The following CSMD1 variants were observed in gnomAD, a reference collection of about 807,000 sequenced individuals.
CSMD1 encodes the protein CUB and Sushi multiple domains 1.
A neutral mutation model predicts 417.5 loss-of-function variants in CSMD1; 213 were observed. That is an observed-to-expected ratio of 0.51 (90% CI 0.46 to 0.57). The LOEUF (loss-of-function observed/expected upper bound fraction) is 0.57. Ranked by LOEUF, CSMD1 falls within the 20% of genes least tolerant of loss-of-function variation. The pLI, the probability that CSMD1 is intolerant of heterozygous loss-of-function variation, is 0.00. For missense variants in CSMD1, 6,923 were observed against 4,529.7 expected (o/e 1.53, Z -15.17); for synonymous variants, 2,862 against 1,736.8 (o/e 1.65, Z -16.11).
intron 5 of CSMD1, among the ~76,000 whole-genome samples, chr8:3,776,038 C>T (rs774213237): frequency 6.6e-6 from 1 of 152,218 alleles, no homozygotes; most frequent in Admixed American, 6.5e-5. Context: ...ATTCCATGTG[C>T]TGGAGCCACC....
chr8:3,572,556 C>A (rs140540249), intron 10 of CSMD1, among the ~76,000 whole-genome samples: 2 of 152,182 alleles, frequency 1.3e-5, no homozygotes, highest in Non-Finnish European at 2.9e-5. Flanking sequence ...GGAACATACA[C>A]AGGTTAACTA....
In CSMD1 at chr8:4,156,160, C is replaced by T. The variant is rs544703847; in HGVS notation, c.416-124061G>A. On this transcript the variant is annotated intron_variant, in intron 3 of 69. Coordinates refer to ENST00000635120, the MANE Select transcript of CSMD1 (RefSeq NM_033225.6). The stretch of plus-strand genomic sequence containing the variant: ...TGCCTCACACCACCCAGAGGCAATT[C>T]GTTGTGTGAGGGGTGTGGGAACAAG... 9.8e-4 allele frequency among the ~76,000 whole-genome samples: 149 copies of T among 152,232 alleles called. 1 individual carries two copies. The highest frequency in any genetic ancestry group is 3.0e-3 in the African/African-American group (124 of 41,532).
chr8:3,095,972 C>T (rs1815266088), intron 47 of CSMD1, among the ~76,000 whole-genome samples: 1 of 152,108 alleles, frequency 6.6e-6, no homozygotes, highest in African/African-American at 2.4e-5. Context: ...TGAAAAACTC[C>T]TGTAGCATTT....
intron 46 of CSMD1, among the ~76,000 whole-genome samples, chr8:3,099,363 C>A (rs1042939305): frequency 1.3e-5 from 2 of 152,116 alleles, no homozygotes; most frequent in Admixed American, 6.5e-5. Flanking sequence ...CCCATATAAA[C>A]CCCTCATTTT....
At chr8:4,156,565 C>G (rs191439817) in intron 3 of CSMD1, among the ~76,000 whole-genome samples, 1 of 152,154 alleles carries the variant, frequency 6.6e-6, no homozygotes, top group East Asian at 1.9e-4. Context: ...AAGATCACTT[C>G]TATCCACATA....
intron 3 of CSMD1, among the ~76,000 whole-genome samples, chr8:4,247,165 T>C (rs1802765014): frequency 6.6e-6 from 1 of 152,210 alleles, no homozygotes; most frequent in Non-Finnish European, 1.5e-5. Flanking sequence ...TTCCGCATCT[T>C]TTTTATGCTC....
At chr8:4,388,813 G>C (rs981427589) in intron 3 of CSMD1, among the ~76,000 whole-genome samples, 1 of 152,190 alleles carries the variant, frequency 6.6e-6, no homozygotes, top group Non-Finnish European at 1.5e-5. Flanking sequence ...TCTGGACCCA[G>C]CACTGAATAA....
intron 41 of CSMD1, among the ~76,000 whole-genome samples, chr8:3,119,412 A>AAC (rs1554430856): frequency 7.3e-6 from 1 of 136,528 alleles, no homozygotes; most frequent in Non-Finnish European, 1.5e-5. Context: ...AAAAAAAAAA[A>AAC]CACTGTATAA....
intron 11 of CSMD1, among the ~76,000 whole-genome samples, chr8:3,476,622 T>C (rs1817441308): frequency 6.6e-6 from 1 of 152,038 alleles, no homozygotes; most frequent in African/African-American, 2.4e-5. Context: ...ATTACAAGGA[T>C]AAATAATGAA....
rs983860130 is a variant in CSMD1 at position 4,713,568 on chromosome 8, A to C, written c.86-76010T>G. Among the ~76,000 whole-genome samples the C allele has an allele frequency of 2.6e-5, 4 of 152,178 alleles. No homozygotes were observed. In the South Asian group the frequency reaches 8.3e-4, roughly 32 times the overall value. ...AGGCGGCTGCCACCACGCCTAGTTA[A>C]TTTTTTATTTTTAGTAGAGACGGGG... On this transcript the variant is annotated intron_variant, in intron 1 of 69. Transcript: ENST00000635120.
chr8:4,161,806 T>C (rs1406574985), intron 3 of CSMD1, among the ~76,000 whole-genome samples: 1 of 152,114 alleles, frequency 6.6e-6, no homozygotes. Flanking sequence ...AATTTGTTCA[T>C]TTTTTCATAA....
At chr8:4,009,209 G>A (rs540750142) in intron 4 of CSMD1, among the ~76,000 whole-genome samples, 18 of 152,306 alleles carry the variant, frequency 1.2e-4, no homozygotes, top group African/African-American at 3.4e-4. Flanking sequence ...AATTCTAAAT[G>A]TAAGTGCAAA....
chr8:3,799,668 C>T (rs761829157), intron 5 of CSMD1, among the ~76,000 whole-genome samples: 1 of 151,856 alleles, frequency 6.6e-6, no homozygotes, highest in African/African-American at 2.4e-5. Context: ...GTATTTGAGG[C>T]AAATTTTGCT....
intron 3 of CSMD1, among the ~76,000 whole-genome samples, chr8:4,040,925 G>A (rs192774822): frequency 1.8e-4 from 28 of 151,586 alleles, no homozygotes; most frequent in Non-Finnish European, 3.4e-4. Context: ...TTGCTAGTGT[G>A]AATTATTAAA....
At chr8:3,485,383 C>A (rs963426584) in intron 11 of CSMD1, among the ~76,000 whole-genome samples, 1 of 152,104 alleles carries the variant, frequency 6.6e-6, no homozygotes, top group East Asian at 1.9e-4. Flanking sequence ...CAGGGGTCAG[C>A]TTTAAGTGTA....
chr8:3,211,719 C>T (rs1355643093), intron 30 of CSMD1, among the ~76,000 whole-genome samples: 3 of 152,190 alleles, frequency 2.0e-5, no homozygotes, highest in Non-Finnish European at 2.9e-5. Context: ...CCTTTCAGTG[C>T]TGCCGTTGGC....
At chr8:3,559,981 C>A (rs1292292808) in intron 10 of CSMD1, among the ~76,000 whole-genome samples, 1 of 152,074 alleles carries the variant, frequency 6.6e-6, no homozygotes. Context: ...GGTGGGTTTT[C>A]TGGATTTCCT....
chr8:4,434,623 A>C lies in CSMD1; in HGVS notation c.303-14558T>G, dbSNP rs149267539. ...GCTAATCCAAAATTTCCACCCAATT[A>C]AAGACAGAGTAACAACTGGGAAGAC... On this transcript the variant is annotated intron_variant, in intron 2 of 69. Transcript: ENST00000635120. Among the ~76,000 whole-genome samples, 846 of 152,328 alleles carry C rather than the reference A, an allele frequency of 5.6e-3. 4 individuals carry two copies. The highest frequency in any genetic ancestry group is 0.019 in the African/African-American group (792 of 41,580).
intron 1 of CSMD1, among the ~76,000 whole-genome samples, chr8:4,909,480 C>A (rs62488165): frequency 6.6e-6 from 1 of 152,130 alleles, no homozygotes; most frequent in African/African-American, 2.4e-5. Flanking sequence ...CCCTGATAAC[C>A]TTCTAGCAGA....
Sources: allele counts gnomAD v4.1 joint callset (sites outside exome capture counted in the v4.1 genomes callset), GRCh38; gene constraint gnomAD v4.1.1; transcripts MANE v1.5; gene names NCBI Gene and HGNC (gene_info 2026-07-23, HGNC 2026-07-21).